PHF3: variants seen among roughly 807,000 people sequenced by gnomAD.
PHF3 encodes the protein PHD finger protein 3.
In PHF3, 41 loss-of-function variants were observed where a neutral mutation model predicts 178.4. That is an observed-to-expected ratio of 0.23 (90% CI 0.18 to 0.30). The LOEUF is 0.30. Among genes scored for constraint, PHF3 ranks in the 10% least tolerant of loss-of-function variants. The pLI is 1.00. For missense variants in PHF3, 2,346 were observed against 2,398.1 expected, an observed-to-expected ratio of 0.98 and a Z score of 0.45; for synonymous variants, 842 against 800.5, an observed-to-expected ratio of 1.05 and a Z score of -0.88.
At chr6:63,709,465 T>A (rs926828459) in intron 14 of PHF3, among the ~76,000 whole-genome samples, 6 of 152,150 alleles carry the variant, frequency 3.9e-5, no homozygotes, top group African/African-American at 1.2e-4. Context: ...TTGTGGCTTC[T>A]GTTAATGTTT....
At position 63,712,500 on chromosome 6, in the gene PHF3, A is replaced by C; in HGVS notation, c.4912A>C (p.Asn1638His). Residue 1638 changes from asparagine to histidine, a missense_variant, in exon 16 of 16, where the codon AAT becomes CAT. By Grantham distance (68) the Asn-to-His change is moderately conservative. Coordinates refer to ENST00000262043, the MANE Select transcript of PHF3 (RefSeq NM_001370348.2). Reference sequence around the variant, plus strand: ...GAGCTGTAGTGAAAACCTTGTTGCTAATACAGCGAGGTCTCCACAGTTTAT... The same window carrying C: ...GAGCTGTAGTGAAAACCTTGTTGCTCATACAGCGAGGTCTCCACAGTTTAT... ...NVSCSENLVA[N>H]TARSPQFINL... The C allele has an allele frequency of 1.2e-6, 2 of 1,613,944 alleles. No individual in the cohort carries two copies. The highest frequency in any genetic ancestry group is 1.7e-6 in the Non-Finnish European group (2 of 1,179,932).
intron 4 of PHF3, 58 bp from the exon 5 acceptor site, chr6:63,691,679 G>A (rs1237712789): frequency 7.3e-7 from 1 of 1,372,822 alleles, no homozygotes; most frequent in East Asian, 2.3e-5. Context: ...CCTCATTTTT[G>A]ACATAGATTT....
chr6:63,636,947 T>G (rs1181887595), intron 1 of PHF3: 1 of 152,150 alleles, frequency 6.6e-6, no homozygotes, highest in African/African-American at 2.4e-5. Flanking sequence ...TCCCTCAGGA[T>G]GTGTTGCCGG....
intron 1 of PHF3, among the ~76,000 whole-genome samples, chr6:63,639,070 T>C (rs186156879): frequency 2.6e-4 from 39 of 152,306 alleles, no homozygotes; most frequent in African/African-American, 9.4e-4. Flanking sequence ...GAGGAATTGC[T>C]ATATGTGTGG....
rs1340089251 is a variant in PHF3 at position 63,685,629 on chromosome 6, C to T, written c.1907C>T (p.Ala636Val). 2 of 1,613,930 alleles carry T rather than the reference C, an allele frequency of 1.2e-6. No individual in the cohort carries two copies. Among genetic ancestry groups the T allele is most frequent in the Non-Finnish European group, 1.7e-6 (2 of 1,180,018 alleles). ...CATAAGCCTCAGCAACAGGCCCCAG[C>T]AATGAAAACCAATAGTCACGTGAAG... ...QCHKPQQQAPAMKTNSHVKEE... is the reference protein window; with the variant it reads ...QCHKPQQQAPVMKTNSHVKEE... Residue 636 changes from alanine (A) to valine (V), a missense_variant, in exon 4 of 16, where the codon GCA becomes GTA. This residue lies in a region of PHF3 where 843 missense variants were observed against 795.2 expected (regional missense o/e 1.06). Coordinates refer to ENST00000262043, the MANE Select transcript of PHF3 (RefSeq NM_001370348.2).
chr6:63,642,193 A>C (rs1764605387), intron 1 of PHF3, among the ~76,000 whole-genome samples: 1 of 152,220 alleles, frequency 6.6e-6, no homozygotes, highest in African/African-American at 2.4e-5. Flanking sequence ...TCAGGACCAA[A>C]CTCAGCCATT....
intron 2 of PHF3, among the ~76,000 whole-genome samples, chr6:63,661,514 A>G (rs796517191): frequency 3.3e-5 from 5 of 152,318 alleles, no homozygotes; most frequent in African/African-American, 1.2e-4. Context: ...AATTTCAACC[A>G]GTGTGATATA....
Position 63,671,815 on chromosome 6 carries a change from C to T in PHF3, c.245-8185C>T, listed in dbSNP as rs542045415. ...GGCTGGAGTTGCAGTGGTGCGATCT[C>T]GGCTCACTGGAACCTTCGACTACCT... On this transcript the variant is annotated intron_variant, in intron 2 of 15. Transcript: ENST00000262043. Among the ~76,000 whole-genome samples, 4 of 152,270 alleles carry T rather than the reference C, an allele frequency of 2.6e-5. No homozygotes were observed. The East Asian group carries it at 5.8e-4, about 22-fold the overall frequency.
At position 63,721,504 on chromosome 6, in the gene PHF3, C is replaced by A; in HGVS notation, c.*7796C>A. The A allele has an allele frequency of 6.4e-7, 1 of 1,551,318 alleles. No individual in the cohort carries two copies. The highest frequency in any genetic ancestry group is 8.7e-7 in the Non-Finnish European group (1 of 1,146,636). On this transcript the variant is annotated 3_prime_UTR_variant, in exon 16 of 16. Coordinates refer to ENST00000262043, the MANE Select transcript of PHF3 (RefSeq NM_001370348.2). ...ACTTGTCGGATACAGCCTTGAAAAC[C>A]TACAGGTTCATTTTCTATTGCCATG...
chr6:63,668,141 A>G (rs886150178), intron 2 of PHF3, among the ~76,000 whole-genome samples: 10 of 152,126 alleles, frequency 6.6e-5, no homozygotes, highest in Non-Finnish European at 1.3e-4. Flanking sequence ...TTTTACATTT[A>G]TTTGCTGCAT....
Position 63,685,672 on chromosome 6 carries a change from A to C in PHF3, c.1950A>C (p.Pro650=). The C allele has an allele frequency of 1.9e-6, 3 of 1,614,116 alleles. No homozygotes were observed. Among genetic ancestry groups the C allele is most frequent in the Non-Finnish European group, 1.7e-6 (2 of 1,180,012 alleles). Residue 650 remains proline, a synonymous_variant, in exon 4 of 16, where the codon CCA becomes CCC. Coordinates refer to ENST00000262043, the MANE Select transcript of PHF3 (RefSeq NM_001370348.2). ...NSHVKEELEH[P]GVEHFKEEDK... ...ACGTGAAGGAAGAGCTTGAACACCC[A>C]GGCGTTGAGCATTTTAAGGAAGAGG... is the stretch of plus-strand genomic sequence containing the variant.
At chr6:63,651,320 G>A (rs1460604799) in intron 2 of PHF3, among the ~76,000 whole-genome samples, 3 of 152,036 alleles carry the variant, frequency 2.0e-5, no homozygotes, top group Non-Finnish European at 4.4e-5. Flanking sequence ...AGTGTTAATG[G>A]AGTACTAGAA....
Position 63,713,462 on chromosome 6 carries a change from CAG to C in PHF3, c.5876_5877del (p.Arg1959LysfsTer10). 6.2e-7 allele frequency: 1 copy of C among 1,613,546 alleles called. No individual in the cohort carries two copies. The highest frequency in any genetic ancestry group is 8.5e-7 in the Non-Finnish European group (1 of 1,179,870). On this transcript the variant is annotated frameshift_variant, in exon 16 of 16. Transcript: ENST00000262043. LOFTEE classifies it high-confidence loss of function. The stretch of plus-strand genomic sequence containing the variant: ...ACAGAAGCCAAGACAAGGACAGAGA[CAG>C]AAAAAGCAGGGAGGAAGGGCACAAA... ...RDRSQDKDRD[R>X]KSREEGHKDK...
intron 2 of PHF3, among the ~76,000 whole-genome samples, chr6:63,676,453 G>C (rs80342957): frequency 0.012 from 1,807 of 152,336 alleles, 30 homozygotes; most frequent in African/African-American, 0.042. Flanking sequence ...AAGGTGACAT[G>C]TAAGTAAAAC....
At position 63,706,908 on chromosome 6, in the gene PHF3, G is replaced by T. The variant is rs375398194; in HGVS notation, c.3711+32G>T. On this transcript the variant is annotated intron_variant, in intron 13 of 15. Coordinates refer to ENST00000262043, the MANE Select transcript of PHF3 (RefSeq NM_001370348.2). ...TGAACTTTTCTGCTTTTCTGTGCAT[G>T]AATTGATAATGTGTGTTTCTGAAAG... 8.1e-6 allele frequency: 13 copies of T among 1,596,132 alleles called. No individual in the cohort carries two copies. The African/African-American group carries it at 1.7e-4, about 21-fold the overall frequency.
At chr6:63,646,056 A>G (rs911973515) in intron 1 of PHF3, among the ~76,000 whole-genome samples, 4 of 152,168 alleles carry the variant, frequency 2.6e-5, no homozygotes, top group African/African-American at 9.7e-5. Flanking sequence ...AAATAAAACA[A>G]GCCTACTTTA....
At position 63,684,862 on chromosome 6, in the gene PHF3, C is replaced by T; in HGVS notation, c.1140C>T (p.Thr380=). 1 of 1,613,870 alleles carries T rather than the reference C, an allele frequency of 6.2e-7. No homozygotes were observed. Among genetic ancestry groups the T allele is most frequent in the East Asian group, 2.2e-5 (1 of 44,866 alleles). The change falls in exon 4 of 16, where the codon ACC becomes ACT. Residue 380 remains threonine (T), a synonymous_variant. Coordinates refer to ENST00000262043, the MANE Select transcript of PHF3 (RefSeq NM_001370348.2). The part of the protein sequence containing the change: ...VTECNLELKD[T]MGIADKTENT... ...AATGTAATTTGGAATTGAAGGATACCATGGGTATTGCTGATAAAACTGAGA... is the reference window on the plus strand; with the variant it reads ...AATGTAATTTGGAATTGAAGGATACTATGGGTATTGCTGATAAAACTGAGA...
At chr6:63,666,360 T>C (rs952175032) in intron 2 of PHF3, among the ~76,000 whole-genome samples, 1 of 152,080 alleles carries the variant, frequency 6.6e-6, no homozygotes, top group Non-Finnish European at 1.5e-5. Flanking sequence ...TCATCTTAGT[T>C]TCTTACGTAT....
In PHF3 at chr6:63,714,890, T is replaced by C. The variant is rs919930511; in HGVS notation, c.*1182T>C. 5.3e-5 allele frequency: 8 copies of C among 151,916 alleles called. No individual in the cohort carries two copies. Among genetic ancestry groups the C allele is most frequent in the Non-Finnish European group, 1.2e-4 (8 of 67,934 alleles). The allele number at this position is 151,916 out of a possible 1,614,324, so 9.4% of individuals were successfully genotyped here. Reference sequence around the variant, plus strand: ...GCCAGTTTTACTTGAAAAAAAAATATGAAAACTATTGTTAATTCAAATCTA... The same window carrying C: ...GCCAGTTTTACTTGAAAAAAAAATACGAAAACTATTGTTAATTCAAATCTA... On this transcript the variant is annotated 3_prime_UTR_variant, in exon 16 of 16. Transcript: ENST00000262043.
Sources: allele counts gnomAD v4.1 joint callset (sites outside exome capture counted in the v4.1 genomes callset), GRCh38; gene constraint gnomAD v4.1.1; regional missense constraint gnomAD v4.1.1; transcripts MANE v1.5; gene names NCBI Gene and HGNC (gene_info 2026-07-23, HGNC 2026-07-21).